The following CTNND2 variants were observed in gnomAD, a reference collection of about 807,000 sequenced individuals.
CTNND2 encodes catenin delta-2.
A neutral mutation model predicts 144.4 loss-of-function variants in CTNND2; 22 were observed. The ratio of observed to expected loss-of-function variants is 0.15; its 90% CI spans 0.11 to 0.22. The LOEUF (loss-of-function observed/expected upper bound fraction) is 0.22, where lower values mean the gene tolerates loss of function less well. Among genes scored for constraint, CTNND2 ranks in the 10% least tolerant of loss-of-function variants. The pLI is 1.00. For missense variants in CTNND2, 1,353 were observed against 1,618.8 expected, an observed-to-expected ratio of 0.84 and a Z score of 2.82; for synonymous variants, 751 against 695.6, an observed-to-expected ratio of 1.08 and a Z score of -1.25.
At position 11,903,737 on chromosome 5, in the gene CTNND2, C is replaced by A; in HGVS notation, c.37+80G>T. ...CCTGCCGGCCGGGAGCCCAGGACCA[C>A]CCCCACCAGCGGCAAGAGGAGGAGG... On this transcript the variant is annotated intron_variant, in intron 1 of 21. Coordinates refer to ENST00000304623, the MANE Select transcript of CTNND2 (RefSeq NM_001332.4). This position sits in a 1 kb window ranked among gnomAD's most constrained non-coding sequence, Gnocchi z 5.4. 1 of 1,398,774 alleles carries A rather than the reference C, an allele frequency of 7.1e-7. No homozygotes were observed. The highest frequency in any genetic ancestry group is 9.5e-7 in the Non-Finnish European group (1 of 1,057,530). 86.6% of individuals were successfully genotyped at this position (1,398,774 alleles called of 1,614,324 possible). A position where few individuals can be genotyped will look rare whatever the true frequency, so the allele number is the denominator to read the frequency against.
intron 2 of CTNND2, among the ~76,000 whole-genome samples, chr5:11,628,398 T>A (rs1781260992): frequency 1.3e-5 from 2 of 152,088 alleles, no homozygotes. Flanking sequence ...CTCAAAACAG[T>A]ACAATGTAGC....
intron 21 of CTNND2, among the ~76,000 whole-genome samples, chr5:10,980,746 G>A (rs1737128031): frequency 6.6e-6 from 1 of 152,168 alleles, no homozygotes; most frequent in South Asian, 2.1e-4. Context: ...CATGTCCTTT[G>A]CAGGGACATG....
At chr5:11,561,838 T>G (rs1776706237) in intron 3 of CTNND2, among the ~76,000 whole-genome samples, 1 of 152,242 alleles carries the variant, frequency 6.6e-6, no homozygotes, top group East Asian at 1.9e-4. Context: ...GGTCAGGAGT[T>G]CGAGACCAGC....
intron 1 of CTNND2, among the ~76,000 whole-genome samples, chr5:11,735,796 C>A (rs1188974650): frequency 2.6e-5 from 4 of 152,158 alleles, no homozygotes; most frequent in East Asian, 1.9e-4. Context: ...GCCTCCCCAG[C>A]CATGCAGAAC....
chr5:11,292,501 G>T (rs185763632), intron 9 of CTNND2, among the ~76,000 whole-genome samples: 198 of 152,272 alleles, frequency 1.3e-3, no homozygotes, highest in African/African-American at 4.3e-3. Context: ...GGATCATGGG[G>T]GTGGTTTCTC....
intron 2 of CTNND2, among the ~76,000 whole-genome samples, chr5:11,586,637 A>C (rs1475796420): frequency 6.6e-6 from 1 of 152,208 alleles, no homozygotes; most frequent in Non-Finnish European, 1.5e-5. Flanking sequence ...CCACATCTGG[A>C]AGTGTGTGGA....
intron 7 of CTNND2, among the ~76,000 whole-genome samples, chr5:11,365,607 T>C (rs1172518421): frequency 6.6e-6 from 1 of 152,222 alleles, no homozygotes; most frequent in Non-Finnish European, 1.5e-5. Context: ...TCCTTATTTG[T>C]GTCACTTCAT....
intron 10 of CTNND2, among the ~76,000 whole-genome samples, chr5:11,235,828 C>T (rs1424293007): frequency 6.6e-6 from 1 of 152,150 alleles, no homozygotes; most frequent in Non-Finnish European, 1.5e-5. Flanking sequence ...ATGTATATCC[C>T]AATGCAAGCA....
intron 7 of CTNND2, among the ~76,000 whole-genome samples, chr5:11,375,604 C>A (rs755967966): frequency 1.3e-5 from 2 of 152,068 alleles, no homozygotes; most frequent in Non-Finnish European, 2.9e-5. Flanking sequence ...TCATTTGAAT[C>A]GCAGTTGTAT....
intron 8 of CTNND2, among the ~76,000 whole-genome samples, chr5:11,363,734 G>A (rs545521746): frequency 2.6e-5 from 4 of 152,288 alleles, no homozygotes; most frequent in African/African-American, 7.2e-5. Context: ...AGCACCATAA[G>A]GCAGTTTAAG....
intron 2 of CTNND2, among the ~76,000 whole-genome samples, chr5:11,663,533 A>C (rs182243273): frequency 6.6e-6 from 1 of 152,204 alleles, no homozygotes; most frequent in South Asian, 2.1e-4. Flanking sequence ...AGCATGAATT[A>C]AACTACATAT....
intron 2 of CTNND2, among the ~76,000 whole-genome samples, chr5:11,725,687 A>G (rs1433933921): frequency 2.6e-5 from 4 of 152,220 alleles, no homozygotes; most frequent in Admixed American, 1.3e-4. Flanking sequence ...TAATCATTAG[A>G]GGAAAAATAT....
At chr5:11,116,351 G>T (rs770661275) in intron 13 of CTNND2, among the ~76,000 whole-genome samples, 2 of 152,186 alleles carry the variant, frequency 1.3e-5, no homozygotes, top group Non-Finnish European at 2.9e-5. Flanking sequence ...CAGGGAGGTT[G>T]CTAAGCATCC....
intron 16 of CTNND2, among the ~76,000 whole-genome samples, chr5:11,045,109 T>C (rs1745096773): frequency 2.0e-5 from 3 of 152,242 alleles, no homozygotes; most frequent in Non-Finnish European, 2.9e-5. Context: ...AGGGGAGGCC[T>C]GGCATTTATT....
intron 3 of CTNND2, among the ~76,000 whole-genome samples, chr5:11,488,476 G>A (rs915851691): frequency 6.6e-6 from 1 of 152,208 alleles, no homozygotes; most frequent in East Asian, 1.9e-4. Flanking sequence ...CATATTTTAC[G>A]TTTTTGAAAT....
intron 2 of CTNND2, among the ~76,000 whole-genome samples, chr5:11,621,087 T>A (rs1780811732): frequency 6.6e-6 from 1 of 152,212 alleles, no homozygotes; most frequent in Non-Finnish European, 1.5e-5. Context: ...TGGATGAGTA[T>A]CTGCATGTGT....
intron 3 of CTNND2, among the ~76,000 whole-genome samples, chr5:11,483,699 T>A (rs577791065): frequency 1.1e-4 from 17 of 152,330 alleles, no homozygotes; most frequent in African/African-American, 4.1e-4. Flanking sequence ...GGTTCAGTGA[T>A]GCATGTTTTT....
At chr5:11,015,337 C>T (rs1741495440) in intron 18 of CTNND2, among the ~76,000 whole-genome samples, 1 of 152,178 alleles carries the variant, frequency 6.6e-6, no homozygotes, top group Non-Finnish European at 1.5e-5. Flanking sequence ...AAAGATCTTC[C>T]TTTCATTTCA....
chr5:11,538,884 G>T (rs796838490), intron 3 of CTNND2, among the ~76,000 whole-genome samples: 14 of 152,196 alleles, frequency 9.2e-5, no homozygotes, highest in African/African-American at 3.1e-4. Context: ...ACACTAGTAA[G>T]ATTTTTCACC....
Sources: allele counts gnomAD v4.1 joint callset (sites outside exome capture counted in the v4.1 genomes callset), GRCh38; gene constraint gnomAD v4.1.1; non-coding constraint Gnocchi (gnomAD v3.1); transcripts MANE v1.5; gene names NCBI Gene and HGNC (gene_info 2026-07-23, HGNC 2026-07-21).